PTCHD4: variants seen among roughly 807,000 people sequenced by gnomAD.
The protein encoded by PTCHD4 is patched domain-containing protein 4.
A neutral mutation model predicts 58.1 loss-of-function variants in PTCHD4; 33 were observed. The ratio of observed to expected loss-of-function variants is 0.57; its 90% CI spans 0.43 to 0.76. The LOEUF is 0.76. Ranked by LOEUF, PTCHD4 falls within the 30% of genes least tolerant of loss-of-function variation. The pLI is 0.00. For synonymous variants in PTCHD4, 478 were observed against 409.6 expected (o/e 1.17, Z -2.02); for missense variants, 1,058 against 1,027.1 (o/e 1.03, Z -0.41).
Position 48,098,344 on chromosome 6 carries a change from T to TCTTC in PTCHD4, c.-970+12704_-970+12705insGAAG, listed in dbSNP as rs1172430988. On this transcript the variant is annotated intron_variant, in intron 1 of 4. Transcript: ENST00000339488. ...TTCTTCTTCTTCTTCTTCTTCTTCT[T>TCTTC]TTTTTTTTTTTTGAGAGAGAGTCTC... Among the ~76,000 whole-genome samples the TCTTC allele has an allele frequency of 6.0e-4, 83 of 137,798 alleles. 2 individuals carry two copies. Among genetic ancestry groups the TCTTC allele is most frequent in the African/African-American group, 1.8e-3 (66 of 36,778 alleles). The allele number at this position is 137,798 out of a possible 152,430, so 90.4% of individuals were successfully genotyped here.
rs574341896 is a variant in PTCHD4 at position 47,864,659 on chromosome 6, C to T, written c.*13644G>A. Among the ~76,000 whole-genome samples the T allele has an allele frequency of 1.1e-4, 15 of 140,364 alleles. No homozygotes were observed. The South Asian group carries it at 3.6e-3, about 34-fold the overall frequency. The allele number at this position is 140,364 out of a possible 152,430, so 92.1% of individuals were successfully genotyped here. On this transcript the variant is annotated 3_prime_UTR_variant, in exon 5 of 5. Coordinates refer to ENST00000339488, the MANE Select transcript of PTCHD4 (RefSeq NM_001384253.1). ...TTTCTCAAGTTGTTATCTGCTTCCTCATCCTCACGTATTTTAGTTCTATGA... is the reference window on the plus strand; with the variant it reads ...TTTCTCAAGTTGTTATCTGCTTCCTTATCCTCACGTATTTTAGTTCTATGA...
intron 1 of PTCHD4, among the ~76,000 whole-genome samples, 40 bp from the exon 2 acceptor site, chr6:48,069,966 T>C (rs574293115): frequency 2.9e-4 from 44 of 151,934 alleles, no homozygotes; most frequent in African/African-American, 1.0e-3. Flanking sequence ...GGGAAACCTA[T>C]TGGAGTCACT....
At chr6:47,942,793 GA>G (rs1296747390) in intron 4 of PTCHD4, among the ~76,000 whole-genome samples, 1 of 152,054 alleles carries the variant, frequency 6.6e-6, no homozygotes, top group Non-Finnish European at 1.5e-5. Context: ...GGAGAGAGAG[GA>G]AAAAATAATC....
Position 47,872,958 on chromosome 6 carries a change from A to T in PTCHD4, c.*5345T>A, listed in dbSNP as rs1287090169. On this transcript the variant is annotated 3_prime_UTR_variant, in exon 5 of 5. Coordinates refer to ENST00000339488, the MANE Select transcript of PTCHD4 (RefSeq NM_001384253.1). ...AGTATGAAAAAAACTGATTAGAAAA[A>T]GTGTTCATTATGACTCAAAGACTCA... Among the ~76,000 whole-genome samples, 1 of 151,720 alleles carries T rather than the reference A, an allele frequency of 6.6e-6. No individual in the cohort carries two copies.
chr6:47,911,028 G>C (rs1241331682), intron 4 of PTCHD4, among the ~76,000 whole-genome samples: 1 of 152,074 alleles, frequency 6.6e-6, no homozygotes, highest in African/African-American at 2.4e-5. Context: ...GCAAGTAGCT[G>C]TATGTAAAAA....
intron 1 of PTCHD4, among the ~76,000 whole-genome samples, chr6:48,092,937 C>T (rs1349472053): frequency 6.6e-6 from 1 of 152,146 alleles, no homozygotes; most frequent in African/African-American, 2.4e-5. Flanking sequence ...TCTGTGCTCT[C>T]CACTCACTAT....
chr6:47,870,861 A>G lies in PTCHD4; in HGVS notation c.*7442T>C, dbSNP rs1443802868. The stretch of plus-strand genomic sequence containing the variant: ...AACCTAAAATGGCTTTGTTTGTACT[A>G]TTTTGGGAGTGATAAATGAGGCTGT... On this transcript the variant is annotated 3_prime_UTR_variant, in exon 5 of 5. Transcript: ENST00000339488. Among the ~76,000 whole-genome samples, 1 of 151,598 alleles carries G rather than the reference A, an allele frequency of 6.6e-6. No homozygotes were observed. The highest frequency in any genetic ancestry group is 1.5e-5 in the Non-Finnish European group (1 of 67,686).
intron 3 of PTCHD4, among the ~76,000 whole-genome samples, chr6:48,014,289 A>T (rs1169979717): frequency 1.3e-5 from 2 of 152,174 alleles, no homozygotes; most frequent in African/African-American, 4.8e-5. Flanking sequence ...TGGGAAAATT[A>T]TACTATTTTG....
intron 4 of PTCHD4, among the ~76,000 whole-genome samples, chr6:47,982,014 CCT>C (rs150439363): frequency 5.8e-4 from 88 of 152,270 alleles, no homozygotes; most frequent in African/African-American, 2.1e-3. Context: ...GCATCTCATC[CCT>C]CTGTTAAAAA....
chr6:47,890,511 C>T (rs576230120), intron 4 of PTCHD4, among the ~76,000 whole-genome samples: 1 of 152,078 alleles, frequency 6.6e-6, no homozygotes, highest in Non-Finnish European at 1.5e-5. Context: ...TGAGATGTAC[C>T]TCATGGGATT....
intron 3 of PTCHD4, among the ~76,000 whole-genome samples, chr6:48,020,214 T>A (rs553200055): frequency 6.6e-6 from 1 of 152,222 alleles, no homozygotes; most frequent in South Asian, 2.1e-4. Flanking sequence ...TTTTTTTCCT[T>A]CCTTACAGCT....
intron 4 of PTCHD4, among the ~76,000 whole-genome samples, chr6:47,908,244 C>T (rs1047300382): frequency 6.6e-6 from 1 of 152,112 alleles, no homozygotes; most frequent in South Asian, 2.1e-4. Context: ...ATAACATGGT[C>T]TTATAACGTG....
At chr6:47,993,373 T>C (rs1768352810) in intron 4 of PTCHD4, among the ~76,000 whole-genome samples, 2 of 152,256 alleles carry the variant, frequency 1.3e-5, no homozygotes, top group South Asian at 2.1e-4. Flanking sequence ...AAGATAGATA[T>C]AAAAATTAGT....
chr6:48,013,125 T>C (rs1166600835), intron 3 of PTCHD4, among the ~76,000 whole-genome samples: 1 of 152,054 alleles, frequency 6.6e-6, no homozygotes, highest in Non-Finnish European at 1.5e-5. Context: ...TTTTCTATTG[T>C]TTGGAGTAGT....
At chr6:48,053,687 C>T (rs984356242) in intron 3 of PTCHD4, among the ~76,000 whole-genome samples, 2 of 151,944 alleles carry the variant, frequency 1.3e-5, no homozygotes, top group Admixed American at 6.6e-5. Context: ...AAAGTGTCTC[C>T]GGACATATTT....
At chr6:48,101,044 TTAAAAAG>T (rs1248694443) in intron 1 of PTCHD4, among the ~76,000 whole-genome samples, 1 of 151,594 alleles carries the variant, frequency 6.6e-6, no homozygotes, top group Non-Finnish European at 1.5e-5. Context: ...TGGATTGAAT[TTAAAAAG>T]TTAAACAGAA....
At chr6:47,990,804 A>G (rs868543582) in intron 4 of PTCHD4, among the ~76,000 whole-genome samples, 46 of 152,240 alleles carry the variant, frequency 3.0e-4, no homozygotes, top group African/African-American at 1.1e-3. Flanking sequence ...AGGTATAGAC[A>G]TAGGCAACTC....
chr6:48,081,522 C>A (rs570524874), intron 1 of PTCHD4, among the ~76,000 whole-genome samples: 15 of 152,040 alleles, frequency 9.9e-5, no homozygotes, highest in Non-Finnish European at 1.5e-4. Context: ...CTTAGACTAG[C>A]GTGAGGATTA....
chr6:47,953,627 A>G (rs573794025), intron 4 of PTCHD4, among the ~76,000 whole-genome samples: 3 of 152,324 alleles, frequency 2.0e-5, no homozygotes, highest in African/African-American at 7.2e-5. Context: ...GCATTAATAG[A>G]GAAGTAGAAT....
Sources: allele counts gnomAD v4.1 joint callset (sites outside exome capture counted in the v4.1 genomes callset), GRCh38; gene constraint gnomAD v4.1.1; transcripts MANE v1.5; gene names NCBI Gene and HGNC (gene_info 2026-07-23, HGNC 2026-07-21).